TNS1: variants seen among roughly 807,000 people sequenced by gnomAD.
TNS1 encodes tensin-1.
In TNS1, 62 loss-of-function variants were observed where a neutral mutation model predicts 168.6. That is an observed-to-expected ratio of 0.37 (90% CI 0.30 to 0.45). The LOEUF (loss-of-function observed/expected upper bound fraction) is 0.45, where lower values mean the gene tolerates loss of function less well. Among genes scored for constraint, TNS1 ranks in the 20% least tolerant of loss-of-function variants. The probability of loss-of-function intolerance (pLI) is 1.00; values close to 1 mark genes in which losing one functional copy is unlikely to be tolerated. For missense variants in TNS1, 2,240 were observed against 2,339.4 expected (o/e 0.96, Z 0.88); for synonymous variants, 934 against 933.2 (o/e 1.00, Z -0.02).
At chr2:217,806,595 G>A (rs1041453518) in intron 32 of TNS1, among the ~76,000 whole-genome samples, 10 of 152,160 alleles carry the variant, frequency 6.6e-5, no homozygotes. Flanking sequence ...GGAAGTTCCA[G>A]CCTGCTGCCT....
intron 3 of TNS1, among the ~76,000 whole-genome samples, chr2:217,946,967 T>TCACACACA (rs1377730479): frequency 4.1e-3 from 515 of 125,264 alleles, no homozygotes; most frequent in African/African-American, 9.2e-3. Context: ...TCTCTCTCTC[T>TCACACACA]CTCACACACA....
At position 217,812,256 on chromosome 2, in the gene TNS1, A is replaced by C. The variant is rs143850855; in HGVS notation, c.5032+112T>G. 44 of 765,922 alleles carry C rather than the reference A, an allele frequency of 5.7e-5. No homozygotes were observed. In the East Asian group the frequency reaches 1.2e-3, roughly 22 times the overall value. 47.4% of individuals were successfully genotyped at this position (765,922 alleles called of 1,614,324 possible). On this transcript the variant is annotated intron_variant, in intron 28 of 32. Coordinates refer to ENST00000682258, the MANE Select transcript of TNS1 (RefSeq NM_001387777.1). ...TTTTGAGTTTCTCCAGACTGGCAAA[A>C]TGACATGTGTCCTCCAGCCCTGGCC...
intron 3 of TNS1, among the ~76,000 whole-genome samples, chr2:217,931,447 C>A (rs918342642): frequency 6.6e-6 from 1 of 152,234 alleles, no homozygotes; most frequent in African/African-American, 2.4e-5. Context: ...ATGCCAACCA[C>A]CACGGGGACA....
At position 218,020,986 on chromosome 2, in the gene TNS1, G is replaced by A. The variant is rs374277618; in HGVS notation, c.156+12834C>T. On this transcript the variant is annotated intron_variant, in intron 1 of 1. Transcript: ENST00000649572. ...AGATGAGAGAAGACAATGCATCCAC[G>A]AAACAAGAACAGGAGGCTATTAGAT... 1.7e-3 allele frequency among the ~76,000 whole-genome samples: 258 copies of A among 152,322 alleles called. 1 individual carries two copies. Among genetic ancestry groups the A allele is most frequent in the African/African-American group, 5.7e-3 (235 of 41,562 alleles).
chr2:217,946,724 T>A (rs1204628373), intron 3 of TNS1, among the ~76,000 whole-genome samples: 1 of 151,552 alleles, frequency 6.6e-6, no homozygotes, highest in Admixed American at 6.6e-5. Flanking sequence ...ACACTATCCA[T>A]CCCCTACCCC....
At chr2:218,012,523 C>T (rs1299404328), upstream of TNS1, among the ~76,000 whole-genome samples, 1 of 152,142 alleles carries the variant, frequency 6.6e-6, no homozygotes, top group Non-Finnish European at 1.5e-5. Flanking sequence ...CATGAGGTGC[C>T]TCAAGCCAAG....
intron 28 of TNS1, 91 bp downstream of exon 28, chr2:217,812,277 T>C (rs1941056714): frequency 5.8e-6 from 6 of 1,042,232 alleles, no homozygotes; most frequent in Non-Finnish European, 7.2e-6. Context: ...CCTCCAGCCC[T>C]GGCCCATGTC....
rs1221919486 is a variant in TNS1, at chr2:217,986,519, A to G, written c.148+4423T>C. On this transcript the variant is annotated intron_variant, in intron 2 of 32. Transcript: ENST00000682258. The surrounding 1 kb of genome is among the most constrained non-coding windows in gnomAD (Gnocchi z 4.7). ...TGGGTTTCGGCCTGGTGGGAGGTAG[A>G]GCCCTTGAGCAAAGCTCTGAGTCCA... is the stretch of plus-strand genomic sequence containing the variant. 6.6e-6 allele frequency among the ~76,000 whole-genome samples: 1 copy of G among 152,130 alleles called. No individual in the cohort carries two copies. The highest frequency in any genetic ancestry group is 1.5e-5 in the Non-Finnish European group (1 of 68,024).
At chr2:217,954,387 T>C (rs1957310870) in intron 3 of TNS1, among the ~76,000 whole-genome samples, 1 of 152,156 alleles carries the variant, frequency 6.6e-6, no homozygotes, top group Non-Finnish European at 1.5e-5. Flanking sequence ...CTAATCCTGA[T>C]GATGATGGTG....
chr2:217,892,814 C>T, intron 11 of TNS1, 134 bp downstream of exon 11: 1 of 1,021,862 alleles, frequency 9.8e-7, no homozygotes, highest in South Asian at 1.8e-5. Flanking sequence ...GGGCCCCTTC[C>T]CCCGTCCTCA....
At chr2:217,928,448 G>A (rs1225273822) in intron 3 of TNS1, among the ~76,000 whole-genome samples, 1 of 152,188 alleles carries the variant, frequency 6.6e-6, no homozygotes, top group Non-Finnish European at 1.5e-5. Flanking sequence ...CTTTTATAGA[G>A]TTCTGTTTGG....
At chr2:217,932,613 C>T (rs190684098) in intron 3 of TNS1, among the ~76,000 whole-genome samples, 2 of 151,962 alleles carry the variant, frequency 1.3e-5, no homozygotes. Context: ...CACCTCACCC[C>T]TGTGAAGCAG....
rs577116968 is a variant in TNS1, at chr2:217,877,915, T to C, written c.1429+2983A>G. Among the ~76,000 whole-genome samples the C allele has an allele frequency of 5.3e-5, 8 of 152,234 alleles. No homozygotes were observed. In the South Asian group the frequency reaches 1.0e-3, roughly 20 times the overall value. Reference sequence around the variant, plus strand: ...GCTCCCTGCCCCCCTCCTCCAAGTCTCCTGGTGGGCTCCAGAGGGAATGGT... The same window carrying C: ...GCTCCCTGCCCCCCTCCTCCAAGTCCCCTGGTGGGCTCCAGAGGGAATGGT... On this transcript the variant is annotated intron_variant, in intron 18 of 32. Coordinates refer to ENST00000682258, the MANE Select transcript of TNS1 (RefSeq NM_001387777.1).
intron 3 of TNS1, among the ~76,000 whole-genome samples, chr2:217,941,923 G>A (rs116734435): frequency 2.8e-3 from 424 of 152,262 alleles, no homozygotes; most frequent in Non-Finnish European, 5.0e-3. Context: ...AGAAACAGGA[G>A]CCTGAGGGTC....
intron 18 of TNS1, among the ~76,000 whole-genome samples, chr2:217,876,214 C>A (rs1400802023): frequency 6.6e-6 from 1 of 152,142 alleles, no homozygotes; most frequent in Non-Finnish European, 1.5e-5. Context: ...CAGTCCATAT[C>A]CCTTGGTTCA....
At chr2:217,814,717 C>T (rs1013811504) in intron 25 of TNS1, among the ~76,000 whole-genome samples, 195 bp downstream of exon 25, 4 of 152,222 alleles carry the variant, frequency 2.6e-5, no homozygotes, top group African/African-American at 9.6e-5. Flanking sequence ...CAAGAGGTGT[C>T]TACAACTACT....
Position 217,885,065 on chromosome 2 carries a change from C to A in TNS1, c.1216G>T (p.Gly406Trp), listed in dbSNP as rs1265222115. Residue 406 changes from glycine (G) to tryptophan (W), a missense_variant, in exon 16 of 33, where the codon GGG (glycine) becomes TGG (tryptophan). Physicochemically the swap from Gly to Trp is radical, Grantham distance 184. This residue lies in a region of TNS1 where 2,131 missense variants were observed against 2,171.2 expected (regional missense o/e 0.98). Coordinates refer to ENST00000682258, the MANE Select transcript of TNS1 (RefSeq NM_001387777.1). ...CAIHDLGVVF[G>W]KEDLDDAFKD... ...AAAGCATCATCAAGGTCCTCCTTCC[C>A]AAAGACAACCCCCAGGTCATGGATG... 1 of 1,614,122 alleles carries A rather than the reference C, an allele frequency of 6.2e-7. No homozygotes were observed. Among genetic ancestry groups the A allele is most frequent in the Non-Finnish European group, 8.5e-7 (1 of 1,180,048 alleles).
chr2:217,928,089 A>C (rs1956130375), intron 3 of TNS1, among the ~76,000 whole-genome samples: 1 of 152,220 alleles, frequency 6.6e-6, no homozygotes, highest in South Asian at 2.1e-4. Context: ...GGAGAGGGCC[A>C]GTTGTTAGCC....
At chr2:218,031,050 G>A (rs1458959122) in intron 1 of TNS1, among the ~76,000 whole-genome samples, 6 of 150,978 alleles carry the variant, frequency 4.0e-5, no homozygotes, top group African/African-American at 1.2e-4. Flanking sequence ...GTGAGCATGT[G>A]AGCATATGTG....
Sources: allele counts gnomAD v4.1 joint callset (sites outside exome capture counted in the v4.1 genomes callset), GRCh38; gene constraint gnomAD v4.1.1; regional missense constraint gnomAD v4.1.1; non-coding constraint Gnocchi (gnomAD v3.1); transcripts MANE v1.5; gene names NCBI Gene and HGNC (gene_info 2026-07-23, HGNC 2026-07-21).